SLC16A1: variants seen among roughly 807,000 people sequenced by gnomAD.
The protein encoded by SLC16A1 is solute carrier family 16 member 1.
A neutral mutation model predicts 32.2 loss-of-function variants in SLC16A1; 11 were observed. That is an observed-to-expected ratio of 0.34 (90% CI 0.21 to 0.56). The LOEUF is 0.56. Among genes scored for constraint, SLC16A1 ranks in the 20% least tolerant of loss-of-function variants. The pLI is 0.87. For missense variants in SLC16A1, 435 were observed against 615.0 expected, an observed-to-expected ratio of 0.71 and a Z score of 3.10; for synonymous variants, 231 against 226.8, an observed-to-expected ratio of 1.02 and a Z score of -0.17.
At position 112,921,140 on chromosome 1, in the gene SLC16A1, C is replaced by CA. The variant is rs11352959; in HGVS notation, c.361+849dup. Among the ~76,000 whole-genome samples, 1,161 of 88,082 alleles carry CA rather than the reference C, an allele frequency of 0.013. 35 individuals carry two copies. The East Asian group carries it at 0.22, about 16-fold the overall frequency. 57.8% of individuals were successfully genotyped at this position (88,082 alleles called of 152,430 possible). ...TGGGAGACAGAGCGAGACTCCGTCTCAAAAAAAAAAAAAAAAGAAAAGAAA... is the reference window on the plus strand; with the variant it reads ...TGGGAGACAGAGCGAGACTCCGTCTCAAAAAAAAAAAAAAAAAGAAAAGAAA... On this transcript the variant is annotated intron_variant, in intron 3 of 4. Coordinates refer to ENST00000369626, the MANE Select transcript of SLC16A1 (RefSeq NM_003051.4).
chr1:112,911,903 C>T lies in SLC16A1; in HGVS notation c.*1988G>A, dbSNP rs929311414. The stretch of plus-strand genomic sequence containing the variant: ...TTTCCTTTACTTACATTCCTTATTC[C>T]CTCACCAACAGTAATCCTCATTTTT... On this transcript the variant is annotated 3_prime_UTR_variant, in exon 5 of 5. Transcript: ENST00000369626. 2.6e-5 allele frequency: 4 copies of T among 152,208 alleles called. No individual in the cohort carries two copies. The highest frequency in any genetic ancestry group is 5.9e-5 in the Non-Finnish European group (4 of 68,016). The allele number at this position is 152,208 out of a possible 1,614,324, so 9.4% of individuals were successfully genotyped here. A position where few individuals can be genotyped will look rare whatever the true frequency, so the allele number is the denominator to read the frequency against.
intron 2 of SLC16A1, chr1:112,924,013 G>T: frequency 2.9e-6 from 4 of 1,356,820 alleles, no homozygotes; most frequent in East Asian, 2.3e-5. Flanking sequence ...CCCATGGGCC[G>T]CTTCTTTGGG....
At chr1:112,921,790 A>C (rs1335028606) in intron 3 of SLC16A1, among the ~76,000 whole-genome samples, 200 bp downstream of exon 3, 2 of 152,166 alleles carry the variant, frequency 1.3e-5, no homozygotes, top group Non-Finnish European at 2.9e-5. Context: ...CATTCGACAA[A>C]CAATAAATAT....
rs1443439797 is a variant in SLC16A1 at position 112,929,340 on chromosome 1, C to T, written c.-32G>A. On this transcript the variant is annotated 5_prime_UTR_variant, in exon 2 of 5. Coordinates refer to ENST00000369626, the MANE Select transcript of SLC16A1 (RefSeq NM_003051.4). ...TGTAGATAAATTCCAAAATGCAGGT[C>T]AAATCCAAATATCTGAAAGACATAA... The T allele has an allele frequency of 2.6e-6, 4 of 1,546,052 alleles. No individual in the cohort carries two copies. The East Asian group carries it at 9.0e-5, about 35-fold the overall frequency.
intron 1 of SLC16A1, among the ~76,000 whole-genome samples, chr1:112,949,690 TA>T (rs1649820855): frequency 6.6e-6 from 1 of 152,024 alleles, no homozygotes; most frequent in African/African-American, 2.4e-5. Context: ...TTTCTTTTTT[TA>T]ATATAATTTT....
intron 1 of SLC16A1, chr1:112,955,505 G>C (rs1173615997): frequency 2.0e-5 from 3 of 152,312 alleles, no homozygotes; most frequent in Admixed American, 6.5e-5. Flanking sequence ...TGGGGAATGC[G>C]GCTCTCCGCA....
chr1:112,917,931 A>C lies in SLC16A1; in HGVS notation c.475T>G (p.Cys159Gly), dbSNP rs750064697. 6.3e-7 allele frequency: 1 copy of C among 1,599,278 alleles called. No homozygotes were observed. The highest frequency in any genetic ancestry group is 1.8e-5 in the Admixed American group (1 of 56,126). Residue 159 changes from cysteine (C) to glycine (G), a missense_variant, in exon 4 of 5, where the codon TGT (cysteine) becomes GGT (glycine). By Grantham distance (159) the Cys-to-Gly change is radical (BLOSUM62 -3). This residue lies in a region of SLC16A1 where 324 missense variants were observed against 500.3 expected (regional missense o/e 0.65). Transcript: ENST00000369626. This position sits in a 1 kb window ranked among gnomAD's most constrained non-coding sequence, Gnocchi z 4.1. The part of the protein sequence containing the change: ...LAMAGSPVFL[C>G]TLAPLNQVFF... ...ACCTGATTGAGGGGGGCCAGAGTAC[A>C]GAGGAACACAGGGCTGCCTGCCATG...
rs771881944 is a variant in SLC16A1, at chr1:112,917,383, T to A, written c.1023A>T (p.Gly341=). 6.2e-7 allele frequency: 1 copy of A among 1,614,112 alleles called. No homozygotes were observed. Among genetic ancestry groups the A allele is most frequent in the Non-Finnish European group, 8.5e-7 (1 of 1,180,024 alleles). ...ATAAAGGTGCTAGCATATGACACAC[T>A]CCATTTGCAACAACGGAAGCCGCAA... ...YFFAASVVAN[G]VCHMLAPLST... Residue 341 remains glycine (G), a synonymous_variant, in exon 4 of 5, where the codon GGA becomes GGT. Coordinates refer to ENST00000369626, the MANE Select transcript of SLC16A1 (RefSeq NM_003051.4). This position sits in a 1 kb window ranked among gnomAD's most constrained non-coding sequence, Gnocchi z 4.1.
intron 3 of SLC16A1, among the ~76,000 whole-genome samples, chr1:112,919,011 T>TTTATTTATTTATTTATTTA (rs374042504): frequency 1.4e-5 from 2 of 144,292 alleles, no homozygotes; most frequent in African/African-American, 2.6e-5. Flanking sequence ...TACTAATTTA[T>TTTATTTATTTATTTATTTA]TTTATTTATT....
chr1:112,919,760 C>A (rs1420866024), intron 3 of SLC16A1, among the ~76,000 whole-genome samples: 2 of 152,192 alleles, frequency 1.3e-5, no homozygotes, highest in Non-Finnish European at 2.9e-5. Flanking sequence ...ATAAGCTCTA[C>A]GGTCTATGAT....
At chr1:112,923,985 G>C in intron 2 of SLC16A1, 1 of 1,454,568 alleles carries the variant, frequency 6.9e-7, no homozygotes. Context: ...CAAGTATAAG[G>C]ACAAGGACAG....
chr1:112,939,499 G>A (rs1167375287), intron 1 of SLC16A1, among the ~76,000 whole-genome samples: 1 of 152,068 alleles, frequency 6.6e-6, no homozygotes, highest in African/African-American at 2.4e-5. Flanking sequence ...CATCTACGGA[G>A]GAACAGATTA....
intron 1 of SLC16A1, among the ~76,000 whole-genome samples, chr1:112,939,423 T>C (rs540449947): frequency 6.6e-6 from 1 of 152,350 alleles, no homozygotes; most frequent in African/African-American, 2.4e-5. Context: ...AGAGATTACC[T>C]GCACACTCCC....
chr1:112,923,742 C>T (rs1648825962), intron 2 of SLC16A1: 1 of 1,530,094 alleles, frequency 6.5e-7, no homozygotes, highest in Non-Finnish European at 9.0e-7. Context: ...CCACCAGCTG[C>T]ACCAGGAGGG....
chr1:112,916,804 T>C (rs1280646053), intron 4 of SLC16A1, among the ~76,000 whole-genome samples: 1 of 151,650 alleles, frequency 6.6e-6, no homozygotes, highest in Non-Finnish European at 1.5e-5. Context: ...GTGGCATGCA[T>C]CTGTAATCCC....
At chr1:112,924,301 C>A in intron 2 of SLC16A1, 1 of 1,410,844 alleles carries the variant, frequency 7.1e-7, no homozygotes, top group Non-Finnish European at 1.0e-6. Flanking sequence ...TTTAATCAAG[C>A]CTGGCAATTG....
At chr1:112,955,292 G>C (rs1248972287) in intron 1 of SLC16A1, 1 of 152,082 alleles carries the variant, frequency 6.6e-6, no homozygotes, top group Non-Finnish European at 1.5e-5. Flanking sequence ...CAAAAAACTT[G>C]CATCGGACCA....
At chr1:112,936,535 A>G (rs1415704407) in intron 1 of SLC16A1, among the ~76,000 whole-genome samples, 1 of 151,764 alleles carries the variant, frequency 6.6e-6, no homozygotes, top group African/African-American at 2.4e-5. Flanking sequence ...GTCCAGATGA[A>G]ATAATTTTTC....
At chr1:112,939,173 G>A (rs1321597987) in intron 1 of SLC16A1, among the ~76,000 whole-genome samples, 1 of 151,994 alleles carries the variant, frequency 6.6e-6, no homozygotes, top group African/African-American at 2.4e-5. Flanking sequence ...TTACAGGCGT[G>A]AGCCACCGTG....
Sources: gnomAD v4.1 joint callset for allele counts (sites outside exome capture counted in the v4.1 genomes callset) on GRCh38, gnomAD v4.1.1 for gene constraint, gnomAD v4.1.1 regional missense constraint, Gnocchi (gnomAD v3.1) non-coding constraint, MANE v1.5 for transcripts, NCBI Gene and HGNC (gene_info 2026-07-23, HGNC 2026-07-21) for gene names.